The following ANO10 variants were observed in gnomAD, a reference collection of about 807,000 sequenced individuals.
ANO10 encodes anoctamin 10, also known as anoctamin-10.
A neutral mutation model predicts 74.7 loss-of-function variants in ANO10; 77 were observed. That is an observed-to-expected ratio of 1.03 (90% CI 0.86 to 1.25). ANO10 has a LOEUF of 1.25. ANO10 is among the 50% of genes most tolerant of loss of function. The probability of loss-of-function intolerance (pLI) is 0.00; values close to 1 mark genes in which losing one functional copy is unlikely to be tolerated. For synonymous variants in ANO10, 279 were observed against 284.9 expected (o/e 0.98, Z 0.21); for missense variants, 721 against 778.1 (o/e 0.93, Z 0.87).
intron 11 of ANO10, chr3:43,472,385 C>G (rs2075894192): frequency 6.6e-6 from 1 of 151,998 alleles, no homozygotes; most frequent in Non-Finnish European, 1.5e-5. Context: ...TTTTAAAAAA[C>G]CCTTAAAATT....
intron 11 of ANO10, among the ~76,000 whole-genome samples, chr3:43,473,350 G>C (rs1365704561): frequency 1.3e-5 from 2 of 152,086 alleles, no homozygotes; most frequent in Non-Finnish European, 2.9e-5. Flanking sequence ...GATGTCATAA[G>C]CCACGTTCTT....
intron 7 of ANO10, among the ~76,000 whole-genome samples, chr3:43,566,537 C>T (rs1045967991): frequency 1.1e-4 from 17 of 152,198 alleles, no homozygotes; most frequent in Admixed American, 1.3e-4. Context: ...CCCTGACCCC[C>T]GAGCAGCCTA....
At chr3:43,625,573 A>G (rs777656237), upstream of ANO10, among the ~76,000 whole-genome samples, 1 of 152,222 alleles carries the variant, frequency 6.6e-6, no homozygotes, top group Non-Finnish European at 1.5e-5. Context: ...TAGTAGATGA[A>G]AAAACATTTT....
At chr3:43,574,151 C>T (rs1324152958) in intron 7 of ANO10, among the ~76,000 whole-genome samples, 4 of 151,956 alleles carry the variant, frequency 2.6e-5, no homozygotes, top group African/African-American at 9.7e-5. Flanking sequence ...GACAGGTTTT[C>T]ACTGTGCTAG....
chr3:43,434,406 C>G (rs2148947500), intron 11 of ANO10, among the ~76,000 whole-genome samples: 1 of 152,324 alleles, frequency 6.6e-6, no homozygotes, highest in Middle Eastern at 3.4e-3. Context: ...CTATGCTGTA[C>G]TGTTATTTCA....
chr3:43,407,317 C>T (rs972320778), intron 12 of ANO10, among the ~76,000 whole-genome samples: 8 of 152,126 alleles, frequency 5.3e-5, no homozygotes, highest in Non-Finnish European at 1.0e-4. Flanking sequence ...TGTGCCAGCG[C>T]GCAGACTGGA....
intron 1 of ANO10, among the ~76,000 whole-genome samples, chr3:43,631,588 T>C (rs1390742286): frequency 6.6e-6 from 1 of 152,140 alleles, no homozygotes; most frequent in Admixed American, 6.5e-5. Context: ...TGCTTTTTTT[T>C]TCTTTCTGAG....
chr3:43,478,980 T>C (rs1178712036), intron 11 of ANO10, among the ~76,000 whole-genome samples: 2 of 152,224 alleles, frequency 1.3e-5, no homozygotes, highest in African/African-American at 2.4e-5. Context: ...TAGTGAACCA[T>C]CTGAATGGTT....
chr3:43,572,761 C>T (rs111566295), intron 7 of ANO10, among the ~76,000 whole-genome samples: 2,944 of 152,298 alleles, frequency 0.019, 109 homozygotes, highest in African/African-American at 0.068. Flanking sequence ...AGTAGCATCA[C>T]TTAGACAAAG....
intron 11 of ANO10, among the ~76,000 whole-genome samples, chr3:43,486,034 C>T (rs55850051): frequency 0.38 from 57,447 of 152,184 alleles, 13,474 homozygotes; most frequent in East Asian, 0.66. Flanking sequence ...ACAGAAGTGG[C>T]CTTGCAAAGC....
intron 11 of ANO10, among the ~76,000 whole-genome samples, chr3:43,496,781 C>A (rs1464916344): frequency 6.6e-6 from 1 of 152,080 alleles, no homozygotes; most frequent in Admixed American, 6.5e-5. Context: ...CTTTGTCCCC[C>A]ACCCCTGAAC....
intron 12 of ANO10, among the ~76,000 whole-genome samples, chr3:43,396,622 C>G (rs981983372): frequency 1.3e-5 from 2 of 152,138 alleles, no homozygotes; most frequent in African/African-American, 4.8e-5. Flanking sequence ...CAGGTATGAG[C>G]CACCGCACCC....
At chr3:43,613,253 C>T (rs1446992630) in intron 1 of ANO10, among the ~76,000 whole-genome samples, 1 of 152,040 alleles carries the variant, frequency 6.6e-6, no homozygotes, top group Non-Finnish European at 1.5e-5. Flanking sequence ...ATTCAACATG[C>T]TAGGTTCAAT....
At chr3:43,403,171 C>T (rs1264668659) in intron 12 of ANO10, among the ~76,000 whole-genome samples, 1 of 152,216 alleles carries the variant, frequency 6.6e-6, no homozygotes, top group Admixed American at 6.5e-5. Flanking sequence ...GAATCCTACA[C>T]AGGATACAGC....
At chr3:43,466,360 A>G (rs1575937990) in intron 11 of ANO10, among the ~76,000 whole-genome samples, 1 of 115,354 alleles carries the variant, frequency 8.7e-6, no homozygotes, top group African/African-American at 3.2e-5. Context: ...ACAGAGCAAG[A>G]CTCCATCTCA....
intron 11 of ANO10, among the ~76,000 whole-genome samples, chr3:43,500,055 C>T (rs543076542): frequency 6.6e-6 from 1 of 152,056 alleles, no homozygotes; most frequent in South Asian, 2.1e-4. Flanking sequence ...TCATGTTGGC[C>T]GGGCTGCTCT....
intron 1 of ANO10, chr3:43,690,325 G>A (rs1398542658): frequency 6.6e-6 from 1 of 152,162 alleles, no homozygotes; most frequent in Non-Finnish European, 1.5e-5. Flanking sequence ...AAAGTGCTGG[G>A]ATTACAGGCC....
chr3:43,518,384 T>A (rs970694516), intron 11 of ANO10, among the ~76,000 whole-genome samples: 1 of 152,200 alleles, frequency 6.6e-6, no homozygotes, highest in African/African-American at 2.4e-5. Flanking sequence ...TGAGGATGTA[T>A]GTCGCCTCAG....
At position 43,653,927 on chromosome 3, in the gene ANO10, G is replaced by T. The variant is rs1325941412; in HGVS notation, c.-12+37590C>A. 5.0e-4 allele frequency among the ~76,000 whole-genome samples: 72 copies of T among 145,162 alleles called. 1 individual carries two copies. Among genetic ancestry groups the T allele is most frequent in the East Asian group, 1.0e-3 (5 of 4,986 alleles). On this transcript the variant is annotated intron_variant, in intron 1 of 3. Transcript: ENST00000413397. Reference sequence around the variant, plus strand: ...GAGATGCAAAGAGCAGTTTGCTGGGGTTTTTTTTTTTTTTGCAACTTCTGG... The same window carrying T: ...GAGATGCAAAGAGCAGTTTGCTGGGTTTTTTTTTTTTTTTGCAACTTCTGG...
Sources: gnomAD v4.1 joint callset for allele counts (sites outside exome capture counted in the v4.1 genomes callset) on GRCh38, gnomAD v4.1.1 for gene constraint, MANE v1.5 for transcripts, NCBI Gene and HGNC (gene_info 2026-07-23, HGNC 2026-07-21) for gene names.